KCNJ5: variants seen among roughly 807,000 people sequenced by gnomAD.
The protein encoded by KCNJ5 is G protein-activated inward rectifier potassium channel 4.
A neutral mutation model predicts 20.2 loss-of-function variants in KCNJ5; 12 were observed. That is an observed-to-expected ratio of 0.59 (90% CI 0.38 to 0.96). The LOEUF (loss-of-function observed/expected upper bound fraction) is 0.96. KCNJ5 is among the 40% of genes least tolerant of loss of function. The pLI is 0.00. For missense variants in KCNJ5, 449 were observed against 557.6 expected, an observed-to-expected ratio of 0.81 and a Z score of 1.96; for synonymous variants, 210 against 213.9, an observed-to-expected ratio of 0.98 and a Z score of 0.16.
chr11:128,912,236 A>G (rs370625087), intron 2 of KCNJ5, 26 bp downstream of exon 2: 7 of 1,570,818 alleles, frequency 4.5e-6, no homozygotes, highest in Non-Finnish European at 6.1e-6. Flanking sequence ...CTCCTCAGCC[A>G]CAGGTGGCCC....
intron 1 of KCNJ5, among the ~76,000 whole-genome samples, chr11:128,904,967 T>G (rs891072533): frequency 2.6e-5 from 4 of 152,250 alleles, no homozygotes; most frequent in Admixed American, 2.6e-4. Flanking sequence ...TTTTAAAGAT[T>G]TATTACCACC....
intron 1 of KCNJ5, among the ~76,000 whole-genome samples, chr11:128,897,465 T>A (rs1944194694): frequency 6.6e-6 from 1 of 152,182 alleles, no homozygotes. Context: ...TCTTCTCATG[T>A]CTTTTGCCCA....
intron 1 of KCNJ5, chr11:128,902,660 C>G (rs894752494): frequency 6.2e-7 from 1 of 1,613,836 alleles, no homozygotes; most frequent in African/African-American, 1.3e-5. Context: ...CTCTTCCTGC[C>G]GGGCCGCCTG....
At chr11:128,904,374 C>G in intron 1 of KCNJ5, 2 of 1,607,636 alleles carry the variant, frequency 1.2e-6, no homozygotes, top group Non-Finnish European at 1.7e-6. Flanking sequence ...GTACTCCCCA[C>G]CAGACCAGGA....
At chr11:128,900,742 T>C (rs1228325115) in intron 1 of KCNJ5, 4 of 152,248 alleles carry the variant, frequency 2.6e-5, no homozygotes, top group African/African-American at 7.2e-5. Flanking sequence ...TTGTGTGCCT[T>C]CTGGCAAGCC....
rs761718553 is a variant in KCNJ5 at position 128,911,345 on chromosome 11, G to A, written c.72G>A (p.Lys24=). ...GAGTCACTCCCTGGGACCCCAAGAA[G>A]ATTCCAAAACAGGCCCGCGATTATG... ...EIGVTPWDPK[K]IPKQARDYVP... is the part of the protein sequence containing the mutation. The change falls in exon 2 of 3, where the codon AAG becomes AAA. Residue 24 remains lysine (K), a synonymous_variant. Coordinates refer to ENST00000529694, the MANE Select transcript of KCNJ5 (RefSeq NM_000890.5). The surrounding 1 kb of genome is among the most constrained non-coding windows in gnomAD (Gnocchi z 6.3). 1 of 1,614,228 alleles carries A rather than the reference G, an allele frequency of 6.2e-7. No individual in the cohort carries two copies. The highest frequency in any genetic ancestry group is 1.7e-5 in the Admixed American group (1 of 60,030).
chr11:128,897,071 T>C (rs550120364), intron 1 of KCNJ5, among the ~76,000 whole-genome samples: 1 of 150,982 alleles, frequency 6.6e-6, no homozygotes, highest in East Asian at 1.9e-4. Flanking sequence ...TGCATTTCCC[T>C]GATTACTAAT....
intron 1 of KCNJ5, chr11:128,899,445 A>T (rs1326221956): frequency 6.6e-6 from 1 of 152,110 alleles, no homozygotes; most frequent in Non-Finnish European, 1.5e-5. Context: ...ATTCAAACTC[A>T]CATTATCTTG....
At chr11:128,905,288 C>T (rs1944383126) in intron 1 of KCNJ5, among the ~76,000 whole-genome samples, 1 of 152,250 alleles carries the variant, frequency 6.6e-6, no homozygotes, top group Admixed American at 6.5e-5. Context: ...TCCCCCAGCC[C>T]CGCCTCCTCC....
intron 1 of KCNJ5, among the ~76,000 whole-genome samples, chr11:128,891,954 A>T (rs559318124): frequency 1.3e-5 from 2 of 152,148 alleles, no homozygotes; most frequent in Non-Finnish European, 2.9e-5. Context: ...AAACACCTTC[A>T]CTTCTGGCAC....
At chr11:128,897,608 C>G (rs868024838) in intron 1 of KCNJ5, among the ~76,000 whole-genome samples, 2 of 152,016 alleles carry the variant, frequency 1.3e-5, no homozygotes, top group Admixed American at 6.6e-5. Context: ...TGTAATTTTG[C>G]CTTTTCATCT....
In KCNJ5 at chr11:128,891,735, T is replaced by C. The variant is rs1436945797; in HGVS notation, c.-11+14T>C. ...CGATCTCAACAAGTAAGTTGTCTTC[T>C]TTTCCTCCTCCATTTCTCCCCCAGC... On this transcript the variant is annotated intron_variant, in intron 1 of 2. Transcript: ENST00000529694. 6.6e-6 allele frequency: 1 copy of C among 152,320 alleles called. No homozygotes were observed. The highest frequency in any genetic ancestry group is 6.5e-5 in the Admixed American group (1 of 15,294). The allele number at this position is 152,320 out of a possible 1,614,324, so 9.4% of individuals were successfully genotyped here.
chr11:128,900,579 A>ATG (rs1565544567), intron 1 of KCNJ5: 10 of 151,858 alleles, frequency 6.6e-5, no homozygotes, highest in Admixed American at 2.0e-4. Flanking sequence ...TGCCCCATTC[A>ATG]GCACCAGCCA....
intron 2 of KCNJ5, among the ~76,000 whole-genome samples, chr11:128,912,709 C>A (rs1944522684): frequency 6.6e-6 from 1 of 152,162 alleles, no homozygotes; most frequent in Non-Finnish European, 1.5e-5. Context: ...CAGGGTTTCA[C>A]CATGTCGGCC....
intron 1 of KCNJ5, chr11:128,900,872 T>C (rs891446459): frequency 3.9e-5 from 6 of 152,208 alleles, no homozygotes; most frequent in Non-Finnish European, 5.9e-5. Context: ...TAATTCCACA[T>C]ACTAGGAATA....
At chr11:128,908,637 T>C (rs1379379938) in intron 1 of KCNJ5, among the ~76,000 whole-genome samples, 2 of 152,204 alleles carry the variant, frequency 1.3e-5, no homozygotes, top group Non-Finnish European at 2.9e-5. Flanking sequence ...TGCAAGTATG[T>C]TTAAAAATAA....
At chr11:128,909,682 T>G (rs1443131293) in intron 1 of KCNJ5, among the ~76,000 whole-genome samples, 1 of 152,138 alleles carries the variant, frequency 6.6e-6, no homozygotes, top group Non-Finnish European at 1.5e-5. Context: ...GCTGGCCAAG[T>G]GACAGAGCAG....
At chr11:128,914,898 C>G (rs778486932) in intron 2 of KCNJ5, among the ~76,000 whole-genome samples, 1 of 152,230 alleles carries the variant, frequency 6.6e-6, no homozygotes, top group Non-Finnish European at 1.5e-5. Context: ...ATGGTCTAGG[C>G]TGCTCAGGGC....
At chr11:128,907,031 T>A (rs1295622259) in intron 1 of KCNJ5, among the ~76,000 whole-genome samples, 8 of 152,208 alleles carry the variant, frequency 5.3e-5, no homozygotes, top group Non-Finnish European at 1.0e-4. Flanking sequence ...TGGGGCAGCC[T>A]GTTCACCAAC....
Sources: gnomAD v4.1 joint callset for allele counts (sites outside exome capture counted in the v4.1 genomes callset) on GRCh38, gnomAD v4.1.1 for gene constraint, Gnocchi (gnomAD v3.1) non-coding constraint, MANE v1.5 for transcripts, NCBI Gene and HGNC (gene_info 2026-07-23, HGNC 2026-07-21) for gene names.